DNM3: variants seen among roughly 807,000 people sequenced by gnomAD.
The protein encoded by DNM3 is dynamin-3.
In DNM3, 47 loss-of-function variants were observed where a neutral mutation model predicts 101.6. The observed-to-expected ratio is 0.46, with a 90% confidence interval of 0.37 to 0.59. DNM3 has a LOEUF of 0.59. Among genes scored for constraint, DNM3 ranks in the 20% least tolerant of loss-of-function variants. The probability of loss-of-function intolerance (pLI) is 0.00; values close to 1 mark genes in which losing one functional copy is unlikely to be tolerated. For synonymous variants in DNM3, 385 were observed against 387.9 expected (o/e 0.99, Z 0.09); for missense variants, 849 against 1,085.7 (o/e 0.78, Z 3.06).
chr1:172,047,064 A>G (rs1253953872), intron 9 of DNM3, among the ~76,000 whole-genome samples: 1 of 152,178 alleles, frequency 6.6e-6, no homozygotes, highest in Non-Finnish European at 1.5e-5. Flanking sequence ...AGCATAAGAC[A>G]TACTCATGGT....
At chr1:172,200,109 G>A (rs2060099388) in intron 14 of DNM3, among the ~76,000 whole-genome samples, 1 of 152,072 alleles carries the variant, frequency 6.6e-6, no homozygotes, top group Non-Finnish European at 1.5e-5. Context: ...TGGTGGTAAT[G>A]AATTCCCTCA....
chr1:172,047,890 G>T (rs2049930904), intron 9 of DNM3, among the ~76,000 whole-genome samples: 1 of 152,130 alleles, frequency 6.6e-6, no homozygotes, highest in Non-Finnish European at 1.5e-5. Flanking sequence ...TTCAGTCATG[G>T]CCAAGATTCA....
At chr1:172,083,891 A>C (rs915285013) in intron 12 of DNM3, among the ~76,000 whole-genome samples, 1 of 151,900 alleles carries the variant, frequency 6.6e-6, no homozygotes, top group Non-Finnish European at 1.5e-5. Flanking sequence ...GTCTGGTCCT[A>C]TTTTTCTGGT....
Position 172,402,975 on chromosome 1 carries a change from C to G in DNM3, c.2523-4797C>G, listed in dbSNP as rs1220910805. 2.0e-5 allele frequency among the ~76,000 whole-genome samples: 3 copies of G among 152,186 alleles called. No individual in the cohort carries two copies. The East Asian group carries it at 5.8e-4, about 29-fold the overall frequency. ...AGCATAGTCCCAGGACCAGCAGCAT[C>G]TGGGAACTTATTAGAAATATCCCAC... On this transcript the variant is annotated intron_variant, in intron 20 of 20. Transcript: ENST00000627582.
intron 1 of DNM3, among the ~76,000 whole-genome samples, chr1:171,851,264 A>T (rs2032922406): frequency 6.6e-6 from 1 of 152,186 alleles, no homozygotes; most frequent in Non-Finnish European, 1.5e-5. Flanking sequence ...TGTCTCCTTT[A>T]TCATTTTCCG....
chr1:172,369,592 T>G (rs1450651252), intron 17 of DNM3, among the ~76,000 whole-genome samples: 1 of 151,914 alleles, frequency 6.6e-6, no homozygotes, highest in Non-Finnish European at 1.5e-5. Flanking sequence ...TACTCTTATT[T>G]AACATAGTAC....
At chr1:172,319,440 A>T (rs921566868) in intron 16 of DNM3, among the ~76,000 whole-genome samples, 1 of 152,260 alleles carries the variant, frequency 6.6e-6, no homozygotes, top group African/African-American at 2.4e-5. Flanking sequence ...CTACCATCAG[A>T]GTGAACAGGC....
intron 1 of DNM3, among the ~76,000 whole-genome samples, chr1:171,844,930 G>A (rs2031833964): frequency 6.6e-6 from 1 of 152,120 alleles, no homozygotes; most frequent in Non-Finnish European, 1.5e-5. Context: ...TTTATAGAGT[G>A]CCTGTTATGT....
At chr1:172,295,868 A>G (rs1257589492) in intron 15 of DNM3, among the ~76,000 whole-genome samples, 2 of 152,216 alleles carry the variant, frequency 1.3e-5, no homozygotes, top group African/African-American at 2.4e-5. Flanking sequence ...AAAAAAATGT[A>G]AAAATAAAAG....
intron 14 of DNM3, among the ~76,000 whole-genome samples, chr1:172,246,577 T>G (rs1286943440): frequency 6.6e-6 from 1 of 152,154 alleles, no homozygotes; most frequent in Non-Finnish European, 1.5e-5. Context: ...AGAGATAGTT[T>G]AGTCAAAGAT....
chr1:172,093,285 G>T (rs999657832), intron 13 of DNM3, among the ~76,000 whole-genome samples: 1 of 152,132 alleles, frequency 6.6e-6, no homozygotes, highest in South Asian at 2.1e-4. Context: ...TCAGTGAAGG[G>T]ACAGCTCATG....
intron 16 of DNM3, among the ~76,000 whole-genome samples, chr1:172,317,914 G>A (rs1297974900): frequency 1.3e-5 from 2 of 152,156 alleles, no homozygotes; most frequent in African/African-American, 4.8e-5. Flanking sequence ...TGATATCAAA[G>A]CCTGGCAGAG....
At chr1:171,985,379 G>T (rs1430289779) in intron 2 of DNM3, among the ~76,000 whole-genome samples, 1 of 152,056 alleles carries the variant, frequency 6.6e-6, no homozygotes, top group Non-Finnish European at 1.5e-5. Flanking sequence ...ACATGGTACT[G>T]GCCTAGGCTT....
chr1:172,107,615 G>A (rs1267215560), intron 13 of DNM3, among the ~76,000 whole-genome samples: 1 of 152,178 alleles, frequency 6.6e-6, no homozygotes, highest in East Asian at 1.9e-4. Context: ...TAGTGATGAT[G>A]TCCATATTGC....
chr1:172,178,121 C>G (rs2148377209), intron 14 of DNM3, among the ~76,000 whole-genome samples: 1 of 151,924 alleles, frequency 6.6e-6, no homozygotes, highest in African/African-American at 2.4e-5. Flanking sequence ...TAACACTGTG[C>G]TAAGTATTAG....
At chr1:172,317,287 G>C (rs1488406403) in intron 16 of DNM3, among the ~76,000 whole-genome samples, 2 of 151,354 alleles carry the variant, frequency 1.3e-5, no homozygotes, top group African/African-American at 4.9e-5. Flanking sequence ...GAGAAAGCAG[G>C]AAAGATCCAA....
intron 4 of DNM3, among the ~76,000 whole-genome samples, chr1:171,997,341 T>G (rs1207671293): frequency 6.6e-6 from 1 of 152,136 alleles, no homozygotes; most frequent in African/African-American, 2.4e-5. Context: ...ATGGCTAGAT[T>G]AACTATAGGT....
chr1:171,876,986 T>C (rs1352494914), intron 1 of DNM3, among the ~76,000 whole-genome samples: 2 of 152,250 alleles, frequency 1.3e-5, no homozygotes, highest in Admixed American at 6.5e-5. Flanking sequence ...TTGTGTTCTA[T>C]TTTATGGTTA....
chr1:172,232,791 G>A (rs1466881670), intron 14 of DNM3, among the ~76,000 whole-genome samples: 1 of 152,178 alleles, frequency 6.6e-6, no homozygotes, highest in Non-Finnish European at 1.5e-5. Flanking sequence ...AATGACTACT[G>A]GGTACATAAT....
Sources: gnomAD v4.1 joint callset for allele counts (sites outside exome capture counted in the v4.1 genomes callset) on GRCh38, gnomAD v4.1.1 for gene constraint, MANE v1.5 for transcripts, NCBI Gene and HGNC (gene_info 2026-07-23, HGNC 2026-07-21) for gene names.